The following CD44 variants were observed in gnomAD, a reference collection of about 807,000 sequenced individuals.
CD44 encodes CD44 molecule (IN blood group).
In CD44, 49 loss-of-function variants were observed where a neutral mutation model predicts 88.8. That is an observed-to-expected ratio of 0.55 (90% CI 0.44 to 0.70). The LOEUF is 0.70. Among genes scored for constraint, CD44 ranks in the 30% least tolerant of loss-of-function variants. The probability of loss-of-function intolerance (pLI) is 0.00; values close to 1 mark genes in which losing one functional copy is unlikely to be tolerated. For missense variants in CD44, 883 were observed against 913.8 expected (o/e 0.97, Z 0.43); for synonymous variants, 325 against 312.3 (o/e 1.04, Z -0.43).
chr11:35,139,505 G>A, intron 1 of CD44, 135 bp downstream of exon 1: 1 of 805,438 alleles, frequency 1.2e-6, no homozygotes. Flanking sequence ...ATTGGGCTCC[G>A]GAAAGCAGGG....
At chr11:35,158,875 G>C (rs1265236229) in intron 1 of CD44, among the ~76,000 whole-genome samples, 1 of 152,188 alleles carries the variant, frequency 6.6e-6, no homozygotes, top group Non-Finnish European at 1.5e-5. Flanking sequence ...CGCACTCCAG[G>C]TCCTGTCTTT....
chr11:35,192,036 G>A (rs1188013660), intron 5 of CD44, among the ~76,000 whole-genome samples: 3 of 152,196 alleles, frequency 2.0e-5, no homozygotes, highest in African/African-American at 7.2e-5. Context: ...CCTTCATGGA[G>A]ACTACATATT....
At chr11:35,184,917 C>T (rs1038930617) in intron 3 of CD44, among the ~76,000 whole-genome samples, 6 of 152,122 alleles carry the variant, frequency 3.9e-5, no homozygotes, top group South Asian at 2.1e-4. Context: ...GAAATTATAT[C>T]GGTACTTTTT....
rs755226682 is a variant in CD44 at position 35,208,090 on chromosome 11, T to C, written c.1415-15T>C. On this transcript the variant is annotated splice_polypyrimidine_tract_variant and intron_variant, in intron 11 of 17. Coordinates refer to ENST00000428726, the MANE Select transcript of CD44 (RefSeq NM_000610.4). ...TTGGGAAATCAAGCAATAACACTAA[T>C]ATTGATTCCTTCAGATATGGACTCC... 61 of 1,470,980 alleles carry C rather than the reference T, an allele frequency of 4.1e-5. No homozygotes were observed. The Admixed American group carries it at 6.5e-4, about 16-fold the overall frequency. The allele number at this position is 1,470,980 out of a possible 1,614,324, so 91.1% of individuals were successfully genotyped here.
At position 35,210,700 on chromosome 11, in the gene CD44, A is replaced by G. The variant is rs79806524; in HGVS notation, c.1607-546A>G. On this transcript the variant is annotated intron_variant, in intron 13 of 17. Transcript: ENST00000428726. ...TAAATGTCTGATTATATCACTTTAC[A>G]TTCCTCACAATAATATTGTTTTGCC... The G allele has an allele frequency of 6.0e-3, 926 of 155,608 alleles. 15 individuals carry two copies. The highest frequency in any genetic ancestry group is 0.021 in the African/African-American group (887 of 41,584). 9.6% of individuals were successfully genotyped at this position (155,608 alleles called of 1,614,324 possible).
At position 35,154,102 on chromosome 11, in the gene CD44, G is replaced by A. The variant is rs573353397; in HGVS notation, c.67+14732G>A. ...TCTGGAGAAGCAAAAAGTGTCATAT[G>A]GTATAGAAGTTATTTTAAGCTACTG... On this transcript the variant is annotated intron_variant, in intron 1 of 17. Transcript: ENST00000428726. 2.6e-4 allele frequency among the ~76,000 whole-genome samples: 40 copies of A among 152,292 alleles called. No homozygotes were observed. The South Asian group carries it at 7.7e-3, about 29-fold the overall frequency.
At chr11:35,173,030 C>T (rs1944080970) in intron 1 of CD44, among the ~76,000 whole-genome samples, 1 of 152,214 alleles carries the variant, frequency 6.6e-6, no homozygotes, top group Non-Finnish European at 1.5e-5. Flanking sequence ...AGGGATTTTA[C>T]TGAAAAGTCT....
rs1948360757 is a variant in CD44, at chr11:35,211,243, C to T, written c.1607-3C>T. The T allele has an allele frequency of 6.2e-7, 1 of 1,611,158 alleles. No individual in the cohort carries two copies. Among genetic ancestry groups the T allele is most frequent in the Non-Finnish European group, 8.5e-7 (1 of 1,177,394 alleles). On this transcript the variant is annotated splice_polypyrimidine_tract_variant and splice_region_variant and intron_variant, in intron 13 of 17. Transcript: ENST00000428726. Reference sequence around the variant, plus strand: ...GTTCATCACTGATTCCACCTCCACACAGATAGGAATGATGTCACAGGTGGA... The same window carrying T: ...GTTCATCACTGATTCCACCTCCACATAGATAGGAATGATGTCACAGGTGGA...
intron 1 of CD44, among the ~76,000 whole-genome samples, chr11:35,156,686 G>A (rs1428251113): frequency 6.6e-6 from 1 of 152,180 alleles, no homozygotes; most frequent in Non-Finnish European, 1.5e-5. Flanking sequence ...TTTCCACTGA[G>A]CTTGGCTCCA....
At chr11:35,169,098 A>G (rs1475636000) in intron 1 of CD44, among the ~76,000 whole-genome samples, 1 of 152,164 alleles carries the variant, frequency 6.6e-6, no homozygotes, top group Non-Finnish European at 1.5e-5. Context: ...AAGGAACCTG[A>G]TAGGTGATCT....
At chr11:35,228,187 G>C (rs1397998552) in intron 17 of CD44, among the ~76,000 whole-genome samples, 1 of 152,132 alleles carries the variant, frequency 6.6e-6, no homozygotes, top group Admixed American at 6.5e-5. Flanking sequence ...CAGTAACCAG[G>C]GAAAAGATCA....
chr11:35,208,129 C>A lies in CD44; in HGVS notation c.1439C>A (p.Thr480Lys), dbSNP rs367650491. 6.2e-7 allele frequency: 1 copy of A among 1,609,984 alleles called. No homozygotes were observed. The highest frequency in any genetic ancestry group is 2.2e-5 in the East Asian group (1 of 44,838). ...RMDMDSSHSITLQPTANPNTG... is the reference protein window; with the variant it reads ...RMDMDSSHSIKLQPTANPNTG... Reference sequence around the variant, plus strand: ...GATATGGACTCCAGTCATAGTATAACGCTTCAGCCTACTGCAAATCCAAAC... The same window carrying A: ...GATATGGACTCCAGTCATAGTATAAAGCTTCAGCCTACTGCAAATCCAAAC... Residue 480 changes from threonine to lysine, a missense_variant, in exon 12 of 18, where the codon ACG becomes AAG. Coordinates refer to ENST00000428726, the MANE Select transcript of CD44 (RefSeq NM_000610.4).
chr11:35,188,802 GT>G (rs1945970956), intron 4 of CD44, among the ~76,000 whole-genome samples: 1 of 152,040 alleles, frequency 6.6e-6, no homozygotes, highest in African/African-American at 2.4e-5. Flanking sequence ...GCTGGGTGTG[GT>G]GGCATGCACC....
intron 7 of CD44, among the ~76,000 whole-genome samples, chr11:35,199,048 T>C (rs1228789202): frequency 6.6e-6 from 1 of 151,002 alleles, no homozygotes; most frequent in African/African-American, 2.4e-5. Flanking sequence ...AACTCAAGAA[T>C]TATCTTAGTT....
chr11:35,160,033 C>G (rs1453719187), intron 1 of CD44, among the ~76,000 whole-genome samples: 1 of 152,202 alleles, frequency 6.6e-6, no homozygotes, highest in East Asian at 1.9e-4. Flanking sequence ...CCTCTCCTCA[C>G]TCTCCCCAGG....
chr11:35,205,182 T>A (rs116752392), intron 10 of CD44, among the ~76,000 whole-genome samples: 1 of 152,186 alleles, frequency 6.6e-6, no homozygotes, highest in East Asian at 1.9e-4. Flanking sequence ...TATTCTTGAA[T>A]TGTGAGATTG....
intron 14 of CD44, chr11:35,212,711 T>C (rs1399890337): frequency 6.6e-6 from 1 of 152,250 alleles, no homozygotes; most frequent in Non-Finnish European, 1.5e-5. Flanking sequence ...TTATTCAGCA[T>C]TGTTCTGCTC....
chr11:35,167,531 G>A (rs1018831639), intron 1 of CD44, among the ~76,000 whole-genome samples: 1 of 152,186 alleles, frequency 6.6e-6, no homozygotes, highest in African/African-American at 2.4e-5. Context: ...TTTTGGACAT[G>A]AGCTCAGCAA....
At chr11:35,155,689 C>G (rs1213185420) in intron 1 of CD44, among the ~76,000 whole-genome samples, 4 of 152,160 alleles carry the variant, frequency 2.6e-5, no homozygotes, top group Non-Finnish European at 4.4e-5. Context: ...TTACTTGCAA[C>G]CCATCTCAGC....
Sources: allele counts gnomAD v4.1 joint callset (sites outside exome capture counted in the v4.1 genomes callset), GRCh38; gene constraint gnomAD v4.1.1; transcripts MANE v1.5; gene names NCBI Gene and HGNC (gene_info 2026-07-23, HGNC 2026-07-21).